PTPRJ: variants seen among roughly 807,000 people sequenced by gnomAD.
The protein encoded by PTPRJ is protein tyrosine phosphatase receptor type J, also known as receptor-type tyrosine-protein phosphatase eta.
PTPRJ carries 129 observed loss-of-function variants against 141.3 expected under a neutral mutation model. The ratio of observed to expected loss-of-function variants is 0.91; its 90% CI spans 0.79 to 1.06. PTPRJ has a LOEUF of 1.06. Ranked by LOEUF, PTPRJ falls within the 50% of genes least tolerant of loss-of-function variation. The pLI, the probability that PTPRJ is intolerant of heterozygous loss-of-function variation, is 0.00. For synonymous variants in PTPRJ, 610 were observed against 640.5 expected, an observed-to-expected ratio of 0.95 and a Z score of 0.72; for missense variants, 1,601 against 1,679.7, an observed-to-expected ratio of 0.95 and a Z score of 0.82.
rs1262068952 is a variant in PTPRJ, at chr11:48,169,700, T to C, written c.*2338T>C. 6.6e-6 allele frequency: 1 copy of C among 152,130 alleles called. No homozygotes were observed. The highest frequency in any genetic ancestry group is 2.4e-5 in the African/African-American group (1 of 41,434). The allele number at this position is 152,130 out of a possible 1,614,324, so 9.4% of individuals were successfully genotyped here. ...AAGGGACTTGTTGCTAAAAAATCCT[T>C]TAAAAGGTTAAATACTTTAAAAGAT... On this transcript the variant is annotated 3_prime_UTR_variant, in exon 25 of 25. Transcript: ENST00000418331.
At chr11:48,019,817 G>A (rs771396825) in intron 1 of PTPRJ, among the ~76,000 whole-genome samples, 2 of 152,210 alleles carry the variant, frequency 1.3e-5, no homozygotes, top group Non-Finnish European at 2.9e-5. Flanking sequence ...TGGGGTAGTG[G>A]TTCTGGGTGC....
chr11:48,033,242 G>A (rs1228050), intron 1 of PTPRJ, among the ~76,000 whole-genome samples: 10,857 of 152,002 alleles, frequency 0.071, 1,258 homozygotes, highest in African/African-American at 0.24. Context: ...TTCTGGAATA[G>A]CAAGGATCAG....
chr11:48,036,227 A>C (rs1051767383), intron 1 of PTPRJ, among the ~76,000 whole-genome samples: 7 of 152,230 alleles, frequency 4.6e-5, no homozygotes, highest in African/African-American at 1.4e-4. Context: ...CAGATAGAAG[A>C]GTCTATCTCT....
At chr11:48,030,003 A>T (rs748995537) in intron 1 of PTPRJ, among the ~76,000 whole-genome samples, 1 of 152,230 alleles carries the variant, frequency 6.6e-6, no homozygotes, top group Non-Finnish European at 1.5e-5. Context: ...TATCTTAATT[A>T]GAAAAAGGCT....
chr11:48,107,604 C>A (rs920004983), intron 1 of PTPRJ, among the ~76,000 whole-genome samples: 2 of 152,118 alleles, frequency 1.3e-5, no homozygotes, highest in Admixed American at 1.3e-4. Flanking sequence ...GCTATGGGGG[C>A]CAGCAGAAGC....
chr11:48,121,302 A>G (rs750010742), intron 4 of PTPRJ, 36 bp downstream of exon 4: 3 of 1,602,996 alleles, frequency 1.9e-6, no homozygotes, highest in African/African-American at 1.3e-5. Context: ...ATGACAAACC[A>G]TTTCTTATTA....
intron 1 of PTPRJ, among the ~76,000 whole-genome samples, chr11:48,078,379 A>T (rs910858932): frequency 6.6e-6 from 1 of 152,176 alleles, no homozygotes; most frequent in Non-Finnish European, 1.5e-5. Flanking sequence ...GTTTATGTGC[A>T]AAATTTAAGA....
chr11:48,061,261 C>T, intron 1 of PTPRJ, among the ~76,000 whole-genome samples: 1 of 152,220 alleles, frequency 6.6e-6, no homozygotes, highest in Non-Finnish European at 1.5e-5. Context: ...CAGGCATGAG[C>T]CACTGTGCCT....
chr11:48,088,214 T>G (rs1269864505), intron 1 of PTPRJ, among the ~76,000 whole-genome samples: 2 of 152,214 alleles, frequency 1.3e-5, no homozygotes, highest in East Asian at 1.9e-4. Flanking sequence ...CCCAAGATGA[T>G]TGACAACAAT....
rs3971621 is a variant in PTPRJ, at chr11:48,092,294, C to CAAAAAAAAAAAA, written c.97-17752_97-17741dup. ...TGGGCCACAGAGCAAGATTTCATCT[C>CAAAAAAAAAAAA]AAAAAAAAAAAAAAAAAAAAAAAGA... On this transcript the variant is annotated intron_variant, in intron 1 of 24. Coordinates refer to ENST00000418331, the MANE Select transcript of PTPRJ (RefSeq NM_002843.4). 3.0e-4 allele frequency among the ~76,000 whole-genome samples: 14 copies of CAAAAAAAAAAAA among 46,948 alleles called. 1 individual carries two copies. The highest frequency in any genetic ancestry group is 1.6e-3 in the East Asian group (2 of 1,240). 30.8% of individuals were successfully genotyped at this position (46,948 alleles called of 152,430 possible). A position where few individuals can be genotyped will look rare whatever the true frequency, so the allele number is the denominator to read the frequency against.
Position 48,164,520 on chromosome 11 carries a change from G to A in PTPRJ, c.3855+5G>A. ...CCTTTAATGGTGCAGACAGAGGTGA[G>A]GCCAAGATCTGTATTTGACATTCCA... On this transcript the variant is annotated splice_donor_5th_base_variant and intron_variant, in intron 24 of 24. Transcript: ENST00000418331. 6.3e-7 allele frequency: 1 copy of A among 1,599,426 alleles called. No homozygotes were observed. The highest frequency in any genetic ancestry group is 8.5e-7 in the Non-Finnish European group (1 of 1,173,664).
At chr11:47,998,702 G>C (rs1376190440) in intron 1 of PTPRJ, among the ~76,000 whole-genome samples, 1 of 152,224 alleles carries the variant, frequency 6.6e-6, no homozygotes, top group Non-Finnish European at 1.5e-5. Flanking sequence ...TGCTCTGTAC[G>C]CACCAGCTGC....
At chr11:48,007,568 A>G (rs1854657633) in intron 1 of PTPRJ, among the ~76,000 whole-genome samples, 1 of 152,106 alleles carries the variant, frequency 6.6e-6, no homozygotes, top group Admixed American at 6.5e-5. Context: ...ACACCTGGCT[A>G]ATTTTTCTAT....
intron 11 of PTPRJ, among the ~76,000 whole-genome samples, chr11:48,140,901 C>T (rs11602180): frequency 0.17 from 25,666 of 152,188 alleles, 2,489 homozygotes; most frequent in South Asian, 0.41. Context: ...GCTTGTAGCA[C>T]ATCTGAATGC....
intron 1 of PTPRJ, among the ~76,000 whole-genome samples, chr11:48,020,830 A>G (rs959827283): frequency 2.0e-5 from 3 of 152,182 alleles, no homozygotes; most frequent in Non-Finnish European, 2.9e-5. Context: ...GGGCAAGTGA[A>G]TGAAACCAAA....
At position 48,139,662 on chromosome 11, in the gene PTPRJ, A is replaced by G; in HGVS notation, c.2329A>G (p.Arg777Gly). 1 of 1,614,252 alleles carries G rather than the reference A, an allele frequency of 6.2e-7. No homozygotes were observed. Among genetic ancestry groups the G allele is most frequent in the Non-Finnish European group, 8.5e-7 (1 of 1,180,046 alleles). The change falls in exon 11 of 25, where the codon AGA becomes GGA. Residue 777 changes from arginine (R) to glycine (G), a missense_variant. Transcript: ENST00000418331. Reference protein sequence around the residue: ...SCSSENGTEYRTEVTYLNFST... With the variant: ...SCSSENGTEYGTEVTYLNFST... ...CTCCTCTGAGAATGGCACTGAGTATAGAACGGAAGTCACGTATTTGAATTT... is the reference window on the plus strand; with the variant it reads ...CTCCTCTGAGAATGGCACTGAGTATGGAACGGAAGTCACGTATTTGAATTT...
intron 19 of PTPRJ, among the ~76,000 whole-genome samples, chr11:48,155,581 T>C (rs1857579806): frequency 6.6e-6 from 1 of 152,190 alleles, no homozygotes; most frequent in African/African-American, 2.4e-5. Flanking sequence ...TGCCACTCAT[T>C]AGCTCTGCTC....
intron 1 of PTPRJ, among the ~76,000 whole-genome samples, chr11:48,091,454 T>A (rs1855864779): frequency 6.6e-6 from 1 of 152,192 alleles, no homozygotes; most frequent in Non-Finnish European, 1.5e-5. Context: ...AAGGTCAAAG[T>A]AAAATTCTTT....
intron 1 of PTPRJ, among the ~76,000 whole-genome samples, chr11:48,100,254 G>T (rs1856118478): frequency 2.0e-5 from 3 of 152,102 alleles, no homozygotes; most frequent in African/African-American, 4.8e-5. Context: ...ACACTGACTT[G>T]CCCCTCTCTG....
Sources: gnomAD v4.1 joint callset for allele counts (sites outside exome capture counted in the v4.1 genomes callset) on GRCh38, gnomAD v4.1.1 for gene constraint, MANE v1.5 for transcripts, NCBI Gene and HGNC (gene_info 2026-07-23, HGNC 2026-07-21) for gene names.